The following MTUS1 variants were observed in gnomAD, a reference collection of about 807,000 sequenced individuals.
The protein encoded by MTUS1 is microtubule associated scaffold protein 1, also known as microtubule-associated tumor suppressor 1.
Under a neutral mutation model 120.8 loss-of-function variants are expected in MTUS1, and 109 were observed. The observed-to-expected ratio is 0.90, with a 90% CI of 0.77 to 1.06. The LOEUF (loss-of-function observed/expected upper bound fraction) is 1.06, where lower values mean the gene tolerates loss of function less well. Ranked by LOEUF, MTUS1 falls within the 50% of genes least tolerant of loss-of-function variation. MTUS1 has a pLI of 0.00. For synonymous variants in MTUS1, 737 were observed against 550.5 expected, an observed-to-expected ratio of 1.34 and a Z score of -4.74; for missense variants, 2,210 against 1,486.3, an observed-to-expected ratio of 1.49 and a Z score of -8.01.
intron 1 of MTUS1, among the ~76,000 whole-genome samples, chr8:17,777,616 A>G (rs17125353): frequency 0.066 from 10,041 of 152,156 alleles, 486 homozygotes; most frequent in East Asian, 0.19. Flanking sequence ...CAGAAATGAA[A>G]AACAGTGAAG....
At chr8:17,679,477 A>G (rs1813845776) in intron 7 of MTUS1, among the ~76,000 whole-genome samples, 1 of 96,444 alleles carries the variant, frequency 1.0e-5, no homozygotes, top group Non-Finnish European at 2.6e-5. Flanking sequence ...TTTTTCTCCA[A>G]CTATTTTTAT....
chr8:17,784,364 C>G (rs1328382262), intron 1 of MTUS1, among the ~76,000 whole-genome samples: 1 of 144,928 alleles, frequency 6.9e-6, no homozygotes, highest in Non-Finnish European at 1.5e-5. Context: ...GTCGCCATCT[C>G]GGCTCACTGC....
rs1805550829 is a variant in MTUS1, at chr8:17,645,256, A to G, written c.*670T>C. ...CCCAAAAGATACAGAGAATGTATAG[A>G]CAGGGACAAGTCAAAGCTCTTCCTG... On this transcript the variant is annotated 3_prime_UTR_variant, in exon 15 of 15. Transcript: ENST00000693296. 6.6e-6 allele frequency: 1 copy of G among 152,654 alleles called. No individual in the cohort carries two copies. The highest frequency in any genetic ancestry group is 6.5e-5 in the Admixed American group (1 of 15,276). The allele number at this position is 152,654 out of a possible 1,614,324, so 9.5% of individuals were successfully genotyped here.
At chr8:17,698,548 C>T (rs961687501) in intron 6 of MTUS1, among the ~76,000 whole-genome samples, 3 of 151,978 alleles carry the variant, frequency 2.0e-5, no homozygotes, top group African/African-American at 7.3e-5. Context: ...TGCCTGTTTC[C>T]AAGATTTCCT....
At chr8:17,710,626 C>T (rs117994220) in intron 6 of MTUS1, among the ~76,000 whole-genome samples, 1 of 152,306 alleles carries the variant, frequency 6.6e-6, no homozygotes, top group Non-Finnish European at 1.5e-5. Flanking sequence ...AACTCCTATT[C>T]ACGTTGGTGC....
chr8:17,704,479 A>T (rs1299305800), intron 6 of MTUS1, among the ~76,000 whole-genome samples: 2 of 152,126 alleles, frequency 1.3e-5, no homozygotes, highest in Non-Finnish European at 2.9e-5. Context: ...CAATTTCATT[A>T]TTTTGCTTGT....
chr8:17,796,825 A>C (rs1274731624), intron 1 of MTUS1, among the ~76,000 whole-genome samples: 1 of 152,142 alleles, frequency 6.6e-6, no homozygotes, highest in African/African-American at 2.4e-5. Context: ...TTTAGGCCGG[A>C]CTTTTAGGCC....
rs944879632 is a variant in MTUS1, at chr8:17,722,192, A to G, written c.2449+1480T>C. 3 of 1,050,988 alleles carry G rather than the reference A, an allele frequency of 2.9e-6. No homozygotes were observed. The African/African-American group carries it at 5.0e-5, about 18-fold the overall frequency. 65.1% of individuals were successfully genotyped at this position (1,050,988 alleles called of 1,614,324 possible). On this transcript the variant is annotated intron_variant, in intron 4 of 14. Coordinates refer to ENST00000693296, the MANE Select transcript of MTUS1 (RefSeq NM_001363059.2). ...AAAGGAATGGACAAAAGCACTTTAC[A>G]GCCTCCTTAGGAGCATCAGACACAG...
rs997808918 is a variant in MTUS1, at chr8:17,758,984, C to A, written c.-154-3023G>T. Among the ~76,000 whole-genome samples the A allele has an allele frequency of 2.6e-5, 4 of 152,288 alleles. No homozygotes were observed. In the South Asian group the frequency reaches 6.2e-4, roughly 24 times the overall value. On this transcript the variant is annotated intron_variant, in intron 1 of 14. Coordinates refer to ENST00000693296, the MANE Select transcript of MTUS1 (RefSeq NM_001363059.2). ...GCAACGTCCGCCTCCCGGGTTCAAG[C>A]GATTACCCTGCCTCAGCCTCCCGAG...
At chr8:17,690,432 G>A (rs562322034) in intron 6 of MTUS1, among the ~76,000 whole-genome samples, 41 of 152,272 alleles carry the variant, frequency 2.7e-4, no homozygotes, top group Admixed American at 5.9e-4. Context: ...ATACACTGTT[G>A]GTGGGACTGT....
chr8:17,794,997 T>C (rs558662912), intron 1 of MTUS1, among the ~76,000 whole-genome samples: 1 of 152,256 alleles, frequency 6.6e-6, no homozygotes, highest in East Asian at 1.9e-4. Context: ...GGAAAATAAA[T>C]TTCTTATTTG....
At chr8:17,646,830 C>T (rs1028519342) in intron 14 of MTUS1, 152 bp downstream of exon 14, 11 of 628,214 alleles carry the variant, frequency 1.8e-5, no homozygotes, top group East Asian at 8.5e-5. Context: ...TGAACTACTA[C>T]AATCATATTT....
intron 8 of MTUS1, among the ~76,000 whole-genome samples, chr8:17,668,945 G>T (rs1811461452): frequency 6.6e-6 from 1 of 152,166 alleles, no homozygotes; most frequent in South Asian, 2.1e-4. Flanking sequence ...AAAACACTGA[G>T]TATTAGCATA....
chr8:17,779,046 G>A (rs2050674117), intron 1 of MTUS1, among the ~76,000 whole-genome samples: 1 of 152,136 alleles, frequency 6.6e-6, no homozygotes, highest in African/African-American at 2.4e-5. Flanking sequence ...AGGAAAGCAT[G>A]GATGCTCTGA....
At position 17,644,486 on chromosome 8, in the gene MTUS1, C is replaced by G. The variant is rs1027872550; in HGVS notation, c.*1440G>C. The G allele has an allele frequency of 3.3e-5, 5 of 152,580 alleles. No homozygotes were observed. The highest frequency in any genetic ancestry group is 1.2e-4 in the African/African-American group (5 of 41,430). 9.5% of individuals were successfully genotyped at this position (152,580 alleles called of 1,614,324 possible). A position where few individuals can be genotyped will look rare whatever the true frequency, so the allele number is the denominator to read the frequency against. On this transcript the variant is annotated 3_prime_UTR_variant, in exon 15 of 15. Coordinates refer to ENST00000693296, the MANE Select transcript of MTUS1 (RefSeq NM_001363059.2). ...TTCTTCCTTCCACCTTTTCCAAAGT[C>G]TCAGGATTAGGGGAGGTAATAAGTT...
At chr8:17,677,630 G>A (rs143690199) in intron 7 of MTUS1, among the ~76,000 whole-genome samples, 5 of 152,034 alleles carry the variant, frequency 3.3e-5, no homozygotes, top group Admixed American at 6.6e-5. Flanking sequence ...CAAGCATGTC[G>A]ACATTTCCCC....
chr8:17,668,149 G>A (rs1448715938), intron 8 of MTUS1, among the ~76,000 whole-genome samples: 2 of 152,136 alleles, frequency 1.3e-5, no homozygotes, highest in African/African-American at 2.4e-5. Context: ...CCTGCACGTG[G>A]CCCAGGACAG....
intron 8 of MTUS1, among the ~76,000 whole-genome samples, chr8:17,663,666 G>A (rs967509258): frequency 6.6e-6 from 1 of 152,114 alleles, no homozygotes; most frequent in African/African-American, 2.4e-5. Flanking sequence ...CACAATCTCA[G>A]CTCACTGCAA....
chr8:17,799,471 T>C (rs2052509119), intron 1 of MTUS1, among the ~76,000 whole-genome samples: 1 of 152,266 alleles, frequency 6.6e-6, no homozygotes, highest in African/African-American at 2.4e-5. Flanking sequence ...TTATCTTTGC[T>C]GAAATTGCTT....
Sources: gnomAD v4.1 joint callset for allele counts (sites outside exome capture counted in the v4.1 genomes callset) on GRCh38, gnomAD v4.1.1 for gene constraint, MANE v1.5 for transcripts, NCBI Gene and HGNC (gene_info 2026-07-23, HGNC 2026-07-21) for gene names.